Variants in RAB10 observed in about 807,000 individuals in gnomAD.
The protein encoded by RAB10 is RAB10, member RAS oncogene family.
Under a neutral mutation model 25.7 loss-of-function variants are expected in RAB10, and 5 were observed. That is an observed-to-expected ratio of 0.19 (90% confidence interval 0.10 to 0.41). The LOEUF (loss-of-function observed/expected upper bound fraction) is 0.41. RAB10 is among the 10% of genes least tolerant of loss of function. The pLI is 1.00. For synonymous variants in RAB10, 89 were observed against 86.4 expected, an observed-to-expected ratio of 1.03 and a Z score of -0.16; for missense variants, 103 against 245.8, an observed-to-expected ratio of 0.42 and a Z score of 3.89.
chr2:26,046,697 T>C (rs747212703), intron 1 of RAB10, among the ~76,000 whole-genome samples: 30 of 152,088 alleles, frequency 2.0e-4, no homozygotes, highest in Non-Finnish European at 3.8e-4. Context: ...GATTTATAGG[T>C]GGGAGCCACC....
chr2:26,110,252 C>G (rs1667542345), intron 3 of RAB10, among the ~76,000 whole-genome samples: 1 of 149,818 alleles, frequency 6.7e-6, no homozygotes, highest in Admixed American at 6.8e-5. Context: ...GCAGGAGAAT[C>G]TCTTGAACCT....
chr2:26,080,845 T>C (rs1666854282), intron 1 of RAB10, among the ~76,000 whole-genome samples: 1 of 152,094 alleles, frequency 6.6e-6, no homozygotes, highest in African/African-American at 2.4e-5. Flanking sequence ...AGAGAGAAAC[T>C]CTGTAGATAC....
At chr2:26,047,812 C>T (rs1264452166) in intron 1 of RAB10, among the ~76,000 whole-genome samples, 1 of 149,326 alleles carries the variant, frequency 6.7e-6, no homozygotes, top group Non-Finnish European at 1.5e-5. Flanking sequence ...CAACCCCTGC[C>T]TCCTGTGTTC....
chr2:26,037,405 G>A (rs1447589523), intron 1 of RAB10, among the ~76,000 whole-genome samples: 7 of 152,072 alleles, frequency 4.6e-5, no homozygotes, highest in Non-Finnish European at 7.4e-5. Context: ...TTGGGAGGCC[G>A]AGGCAGGCGG....
intron 3 of RAB10, among the ~76,000 whole-genome samples, chr2:26,116,843 A>G (rs1667699863): frequency 6.7e-6 from 1 of 149,496 alleles, no homozygotes; most frequent in African/African-American, 2.4e-5. Flanking sequence ...GGCGTGAGCC[A>G]CCACGCCCGG....
At chr2:26,102,606 T>C (rs1358770338) in intron 2 of RAB10, among the ~76,000 whole-genome samples, 1 of 152,016 alleles carries the variant, frequency 6.6e-6, no homozygotes, top group African/African-American at 2.4e-5. Flanking sequence ...GTCCAGCTAA[T>C]TTTTTGTATT....
intron 1 of RAB10, among the ~76,000 whole-genome samples, chr2:26,075,825 C>G (rs1411773333): frequency 6.6e-6 from 1 of 151,866 alleles, no homozygotes; most frequent in Non-Finnish European, 1.5e-5. Context: ...TGAAAACTTA[C>G]AAATGTCCTT....
At chr2:26,110,015 A>G in intron 3 of RAB10, 109 bp downstream of exon 3, 1 of 1,182,496 alleles carries the variant, frequency 8.5e-7, no homozygotes, top group East Asian at 2.9e-5. Flanking sequence ...TGTTGAAGTC[A>G]TTATTATTGA....
intron 1 of RAB10, among the ~76,000 whole-genome samples, chr2:26,072,538 T>C (rs917262508): frequency 6.6e-6 from 1 of 152,050 alleles, no homozygotes; most frequent in African/African-American, 2.4e-5. Flanking sequence ...TTGTGACTCA[T>C]GCAAAAAAAG....
chr2:26,058,090 G>A (rs764777110), intron 1 of RAB10, among the ~76,000 whole-genome samples: 6 of 152,136 alleles, frequency 3.9e-5, no homozygotes, highest in Non-Finnish European at 5.9e-5. Flanking sequence ...AATCTTGGAG[G>A]TATCCTTGAT....
intron 3 of RAB10, among the ~76,000 whole-genome samples, chr2:26,121,709 ACACT>A (rs1667806307): frequency 6.6e-6 from 1 of 152,234 alleles, no homozygotes; most frequent in African/African-American, 2.4e-5. Context: ...AAATTTATTA[ACACT>A]CAAACACACA....
intron 2 of RAB10, among the ~76,000 whole-genome samples, chr2:26,103,221 G>C (rs1667381487): frequency 6.6e-6 from 1 of 152,170 alleles, no homozygotes; most frequent in Non-Finnish European, 1.5e-5. Context: ...ACCTATAGTA[G>C]ACATTCAGTT....
Position 26,098,734 on chromosome 2 carries a change from T to TA in RAB10, c.188+14dup. 6.4e-7 allele frequency: 1 copy of TA among 1,560,232 alleles called. No individual in the cohort carries two copies. The highest frequency in any genetic ancestry group is 8.8e-7 in the Non-Finnish European group (1 of 1,136,318). ...AAGCTACAGATATGGTAAGTGATGCTAATTTACTTTATGTAGCAGAATGTC... is the reference window on the plus strand; with the variant it reads ...AAGCTACAGATATGGTAAGTGATGCTAAATTTACTTTATGTAGCAGAATGTC... On this transcript the variant is annotated intron_variant, in intron 2 of 5. Transcript: ENST00000264710.
chr2:26,069,183 ATGGT>A (rs1393399634), intron 1 of RAB10, among the ~76,000 whole-genome samples: 1 of 152,154 alleles, frequency 6.6e-6, no homozygotes, highest in Non-Finnish European at 1.5e-5. Context: ...CAGTAGAACC[ATGGT>A]TGAGGCTAAT....
At chr2:26,064,495 G>C (rs1398324954) in intron 1 of RAB10, among the ~76,000 whole-genome samples, 1 of 151,078 alleles carries the variant, frequency 6.6e-6, no homozygotes, top group Non-Finnish European at 1.5e-5. Flanking sequence ...CTAATTTTTT[G>C]GGAAAAAAAA....
chr2:26,104,861 C>T (rs1432785188), intron 2 of RAB10, among the ~76,000 whole-genome samples: 2 of 151,900 alleles, frequency 1.3e-5, no homozygotes, highest in African/African-American at 4.8e-5. Flanking sequence ...TCTCAGCCTC[C>T]TGAGTAGCTG....
Position 26,041,831 on chromosome 2 carries a change from G to C in RAB10, c.127+7096G>C, listed in dbSNP as rs563812725. Among the ~76,000 whole-genome samples, 4 of 152,270 alleles carry C rather than the reference G, an allele frequency of 2.6e-5. No individual in the cohort carries two copies. The South Asian group carries it at 8.3e-4, about 32-fold the overall frequency. ...AGGCAGGAGAACCGCTTGAACCAGG[G>C]AGGCGGAGGTTGCGGTGAGCCGAGA... On this transcript the variant is annotated intron_variant, in intron 1 of 5. Transcript: ENST00000264710.
chr2:26,133,798 C>G (rs941227871), intron 5 of RAB10, among the ~76,000 whole-genome samples: 21 of 151,784 alleles, frequency 1.4e-4, no homozygotes, highest in Admixed American at 1.0e-3. Context: ...CTCAGCCTCC[C>G]GAGTAGCTGG....
intron 1 of RAB10, among the ~76,000 whole-genome samples, chr2:26,095,546 A>G (rs1050623808): frequency 2.0e-5 from 3 of 151,790 alleles, no homozygotes; most frequent in Non-Finnish European, 2.9e-5. Flanking sequence ...GGCGGAGCTT[A>G]CAGTGAACTG....
Sources: allele counts gnomAD v4.1 joint callset (sites outside exome capture counted in the v4.1 genomes callset), GRCh38; gene constraint gnomAD v4.1.1; transcripts MANE v1.5; gene names NCBI Gene and HGNC (gene_info 2026-07-23, HGNC 2026-07-21).